The following IHO1 variants were observed in gnomAD, a reference collection of about 807,000 sequenced individuals.
IHO1 encodes the protein interactor of HORMAD1 1.
A neutral mutation model predicts 31.0 loss-of-function variants in IHO1; 13 were observed. The observed-to-expected ratio is 0.42, with a 90% CI of 0.27 to 0.67. The LOEUF is 0.67. IHO1 is among the 30% of genes least tolerant of loss of function. The pLI, the probability that IHO1 is intolerant of heterozygous loss-of-function variation, is 0.24. For missense variants in IHO1, 599 were observed against 687.5 expected, an observed-to-expected ratio of 0.87 and a Z score of 1.44; for synonymous variants, 221 against 248.4, an observed-to-expected ratio of 0.89 and a Z score of 1.04.
intron 1 of IHO1, chr3:49,200,516 A>AAAGAAAGAAAGAAAGAAAAG (rs1559434739): frequency 1.1e-6 from 1 of 917,718 alleles, no homozygotes; most frequent in Non-Finnish European, 1.3e-6. Flanking sequence ...AGAAAGAAAG[A>AAAGAAAGAAAGAAAGAAAAG]AAAGAAAAAA....
the IHO1 span, among the ~76,000 whole-genome samples, chr3:49,192,398 T>G: frequency 6.6e-6 from 1 of 152,244 alleles, no homozygotes; most frequent in African/African-American, 2.4e-5. Context: ...AATTTTTGAC[T>G]GAATTCTCTC....
chr3:49,200,463 TCAAAAAAA>T (rs2046041918), intron 1 of IHO1: 1 of 189,126 alleles, frequency 5.3e-6, no homozygotes, highest in Non-Finnish European at 5.8e-6. Flanking sequence ...AGACTCGGTC[TCAAAAAAA>T]AAAAAAAGAA....
upstream of IHO1, among the ~76,000 whole-genome samples, chr3:49,196,628 G>A (rs550188860): frequency 3.0e-4 from 46 of 151,142 alleles, 1 homozygote; most frequent in Admixed American, 7.3e-4. Flanking sequence ...GATTACAGGC[G>A]TGCGCCACCA....
intron 6 of IHO1, among the ~76,000 whole-genome samples, chr3:49,253,158 G>A (rs1484885667): frequency 6.6e-6 from 1 of 152,092 alleles, no homozygotes; most frequent in Non-Finnish European, 1.5e-5. Flanking sequence ...AGGCATGGTG[G>A]CTTATGCCTG....
chr3:49,210,437 G>T (rs1056639251), intron 1 of IHO1, among the ~76,000 whole-genome samples: 4 of 150,436 alleles, frequency 2.7e-5, no homozygotes, highest in Non-Finnish European at 4.4e-5. Context: ...TCACTCGATC[G>T]CCCAGGCTGG....
intron 1 of IHO1, among the ~76,000 whole-genome samples, chr3:49,202,813 C>G (rs1279405795): frequency 6.6e-6 from 1 of 151,128 alleles, no homozygotes; most frequent in Non-Finnish European, 1.5e-5. Flanking sequence ...GTAGCTGGAA[C>G]TACAGGTGTG....
intron 2 of IHO1, among the ~76,000 whole-genome samples, chr3:49,230,124 A>G (rs2046464162): frequency 6.6e-6 from 1 of 152,236 alleles, no homozygotes; most frequent in Non-Finnish European, 1.5e-5. Context: ...ATTTTGATAG[A>G]ACAATGGCTG....
In IHO1 at chr3:49,256,937, T is replaced by C. The variant is rs1339655557; in HGVS notation, c.1440T>C (p.Pro480=). 1.1e-5 allele frequency: 18 copies of C among 1,614,224 alleles called. No homozygotes were observed. Among genetic ancestry groups the C allele is most frequent in the Non-Finnish European group, 1.4e-5 (17 of 1,180,022 alleles). ...KFNSKYQSPQ[P]AISVPQSPFL... ...ATTCCAAATATCAGAGTCCTCAGCC[T>C]GCAATTTCTGTCCCTCAAAGCCCCT... Residue 480 remains proline (P), a synonymous_variant, in exon 8 of 8, where the codon CCT becomes CCC. Transcript: ENST00000452691. This position sits in a 1 kb window ranked among gnomAD's most constrained non-coding sequence, Gnocchi z 4.6.
chr3:49,201,101 C>G (rs1444602741), intron 1 of IHO1, among the ~76,000 whole-genome samples: 2 of 151,884 alleles, frequency 1.3e-5, no homozygotes, highest in Admixed American at 1.3e-4. Flanking sequence ...TCACGCCATT[C>G]TCCTGCCTCA....
Position 49,257,879 on chromosome 3 carries a change from C to G in IHO1, c.*597C>G, listed in dbSNP as rs1321459356. Reference sequence around the variant, plus strand: ...AGAGGTGACATTCACTAGCAAATGTCCAGAGCATATCACTGCTCACAAGCC... The same window carrying G: ...AGAGGTGACATTCACTAGCAAATGTGCAGAGCATATCACTGCTCACAAGCC... On this transcript the variant is annotated 3_prime_UTR_variant, in exon 8 of 8. Transcript: ENST00000452691. 1 of 152,752 alleles carries G rather than the reference C, an allele frequency of 6.5e-6. No individual in the cohort carries two copies. Among genetic ancestry groups the G allele is most frequent in the Non-Finnish European group, 1.5e-5 (1 of 68,578 alleles). 9.5% of individuals were successfully genotyped at this position (152,752 alleles called of 1,614,324 possible).
At chr3:49,244,280 T>C (rs2046668234) in intron 4 of IHO1, 124 bp from the exon 5 acceptor site, 2 of 679,500 alleles carry the variant, frequency 2.9e-6, no homozygotes, top group Admixed American at 5.7e-5. Context: ...AGTCTTCAGA[T>C]CTAATCAAGC....
At chr3:49,215,460 G>A (rs1208385161) in intron 2 of IHO1, among the ~76,000 whole-genome samples, 1 of 152,142 alleles carries the variant, frequency 6.6e-6, no homozygotes, top group East Asian at 1.9e-4. Flanking sequence ...AAATCATAGA[G>A]AACTATTTTG....
intron 2 of IHO1, among the ~76,000 whole-genome samples, chr3:49,217,103 AGAAAT>A (rs2046297156): frequency 6.6e-6 from 1 of 152,238 alleles, no homozygotes; most frequent in Non-Finnish European, 1.5e-5. Flanking sequence ...GATCTGGAAT[AGAAAT>A]ACCATTTGAC....
intron 6 of IHO1, among the ~76,000 whole-genome samples, chr3:49,251,113 T>A (rs1258155676): frequency 6.6e-6 from 1 of 151,854 alleles, no homozygotes; most frequent in Non-Finnish European, 1.5e-5. Context: ...ACTTAGTTTT[T>A]GTTTGTTGGT....
At chr3:49,232,632 C>T (rs2046497150) in intron 2 of IHO1, among the ~76,000 whole-genome samples, 1 of 152,178 alleles carries the variant, frequency 6.6e-6, no homozygotes, top group Admixed American at 6.5e-5. Context: ...CATGTTGAGA[C>T]TGATGCTGAG....
chr3:49,238,321 T>G (rs1037719775), intron 3 of IHO1, among the ~76,000 whole-genome samples: 1 of 151,726 alleles, frequency 6.6e-6, no homozygotes, highest in Non-Finnish European at 1.5e-5. Flanking sequence ...TGAGACAGAG[T>G]TTTTCCCTCT....
chr3:49,200,169 C>T (rs1244338409), intron 1 of IHO1, among the ~76,000 whole-genome samples: 1 of 152,128 alleles, frequency 6.6e-6, no homozygotes, highest in African/African-American at 2.4e-5. Flanking sequence ...GGCCTCACAT[C>T]GCAGCCTCAA....
chr3:49,232,368 A>T lies in IHO1; in HGVS notation c.57-4180A>T, dbSNP rs565225733. Among the ~76,000 whole-genome samples, 18 of 152,370 alleles carry T rather than the reference A, an allele frequency of 1.2e-4. No homozygotes were observed. The East Asian group carries it at 3.5e-3, about 29-fold the overall frequency. On this transcript the variant is annotated intron_variant, in intron 2 of 7. Transcript: ENST00000452691. ...GGAGCCTGCCTAAAGGCCAGATGCT[A>T]TCAGCAGCTGAACAGCATCTACAGA...
At chr3:49,254,954 C>T (rs2046805317) in intron 6 of IHO1, among the ~76,000 whole-genome samples, 2 of 151,888 alleles carry the variant, frequency 1.3e-5, no homozygotes, top group African/African-American at 4.8e-5. Context: ...ATCCCAGCTA[C>T]TTAGGAGCTG....
Sources: gnomAD v4.1 joint callset for allele counts (sites outside exome capture counted in the v4.1 genomes callset) on GRCh38, gnomAD v4.1.1 for gene constraint, Gnocchi (gnomAD v3.1) non-coding constraint, MANE v1.5 for transcripts, NCBI Gene and HGNC (gene_info 2026-07-23, HGNC 2026-07-21) for gene names.